IMMP2L: variants seen among roughly 807,000 people sequenced by gnomAD.
IMMP2L encodes the protein inner mitochondrial membrane peptidase subunit 2, also known as mitochondrial inner membrane protease subunit 2.
Under a neutral mutation model 19.3 loss-of-function variants are expected in IMMP2L, and 18 were observed. That is an observed-to-expected ratio of 0.93 (90% CI 0.64 to 1.38). IMMP2L has a LOEUF of 1.38. Ranked by LOEUF, IMMP2L falls within the 40% of genes most tolerant of loss-of-function variation. The pLI, the probability that IMMP2L is intolerant of heterozygous loss-of-function variation, is 0.00. For synonymous variants in IMMP2L, 76 were observed against 73.0 expected (o/e 1.04, Z -0.21); for missense variants, 233 against 218.2 (o/e 1.07, Z -0.43).
intron 5 of IMMP2L, among the ~76,000 whole-genome samples, chr7:110,874,486 G>T (rs1808863770): frequency 6.6e-6 from 1 of 151,864 alleles, no homozygotes; most frequent in South Asian, 2.1e-4. Context: ...GGGTGGAGAA[G>T]AATATAATAA....
chr7:110,853,832 A>G (rs12667846), intron 5 of IMMP2L, among the ~76,000 whole-genome samples: 10,745 of 152,016 alleles, frequency 0.071, 607 homozygotes, highest in African/African-American at 0.15. Context: ...AAAATAGTCA[A>G]TACTAACTAG....
rs576327525 is a variant in IMMP2L, at chr7:111,457,497, T to A, written c.239+29741A>T. 8.9e-3 allele frequency among the ~76,000 whole-genome samples: 1,351 copies of A among 152,286 alleles called. 20 individuals are homozygous for A. The highest frequency in any genetic ancestry group is 0.031 in the African/African-American group (1,280 of 41,554). ...AGGTTTTAAGGATAAATGAGATCTATACAGGCACAATTGTCACAGCAGTCC... is the reference window on the plus strand; with the variant it reads ...AGGTTTTAAGGATAAATGAGATCTAAACAGGCACAATTGTCACAGCAGTCC... On this transcript the variant is annotated intron_variant, in intron 3 of 5. Transcript: ENST00000405709.
At chr7:111,558,628 G>A (rs1297983296) in intron 1 of IMMP2L, among the ~76,000 whole-genome samples, 1 of 152,130 alleles carries the variant, frequency 6.6e-6, no homozygotes, top group Admixed American at 6.6e-5. Flanking sequence ...TCAAAATGGA[G>A]GGAGACGTGG....
chr7:110,762,243 C>CT (rs368765958), intron 5 of IMMP2L, among the ~76,000 whole-genome samples: 58 of 148,960 alleles, frequency 3.9e-4, no homozygotes, highest in Middle Eastern at 3.5e-3. Flanking sequence ...AAATGTATCA[C>CT]TTTTTTTTTT....
At chr7:111,043,215 G>A (rs1484793605) in intron 3 of IMMP2L, among the ~76,000 whole-genome samples, 2 of 152,156 alleles carry the variant, frequency 1.3e-5, no homozygotes, top group Non-Finnish European at 2.9e-5. Context: ...AAATACAGAG[G>A]ATCCTTTCCT....
chr7:110,725,921 T>C (rs773833822), intron 5 of IMMP2L: 15 of 152,230 alleles, frequency 9.9e-5, no homozygotes, highest in Non-Finnish European at 1.8e-4. Context: ...CAAGCATTGT[T>C]CTAAAAGTCT....
intron 4 of IMMP2L, chr7:110,962,980 A>G: frequency 1.3e-6 from 2 of 1,486,356 alleles, no homozygotes; most frequent in Non-Finnish European, 1.8e-6. Context: ...ATACGACATT[A>G]CTAAAGGCTG....
At chr7:110,844,762 G>A (rs1221060780) in intron 5 of IMMP2L, among the ~76,000 whole-genome samples, 1 of 136,954 alleles carries the variant, frequency 7.3e-6, no homozygotes, top group Non-Finnish European at 1.6e-5. Context: ...GCATGGAAAT[G>A]GCAAGGATGG....
intron 5 of IMMP2L, chr7:110,664,762 T>C (rs945135449): frequency 2.0e-5 from 3 of 152,208 alleles, no homozygotes; most frequent in Non-Finnish European, 2.9e-5. Flanking sequence ...AATACACTCA[T>C]ATTTAGCACA....
At chr7:110,693,652 A>G (rs540929387) in intron 5 of IMMP2L, among the ~76,000 whole-genome samples, 28 of 152,290 alleles carry the variant, frequency 1.8e-4, no homozygotes, top group African/African-American at 6.3e-4. Flanking sequence ...GGATTATTAG[A>G]GAGGATGAAG....
At chr7:111,147,155 G>A (rs1055168803) in intron 3 of IMMP2L, among the ~76,000 whole-genome samples, 2 of 152,034 alleles carry the variant, frequency 1.3e-5, no homozygotes, top group African/African-American at 4.8e-5. Context: ...ATTTCTATAA[G>A]TTTTCCATTA....
chr7:110,923,586 A>C (rs2129550757), intron 4 of IMMP2L, among the ~76,000 whole-genome samples: 1 of 152,324 alleles, frequency 6.6e-6, no homozygotes, highest in South Asian at 2.1e-4. Flanking sequence ...ACCTTTTATT[A>C]GTAGAATATT....
chr7:110,738,502 C>T (rs1796786217), intron 5 of IMMP2L, among the ~76,000 whole-genome samples: 1 of 152,068 alleles, frequency 6.6e-6, no homozygotes, highest in South Asian at 2.1e-4. Context: ...TTCGAATTTA[C>T]CCAATATGTC....
chr7:111,201,609 C>CA (rs1810132504), intron 3 of IMMP2L, among the ~76,000 whole-genome samples: 1 of 151,448 alleles, frequency 6.6e-6, no homozygotes, highest in African/African-American at 2.4e-5. Flanking sequence ...CCCAGCTACT[C>CA]AGTAAGTGAG....
At chr7:110,684,525 C>A (rs1196481512) in intron 5 of IMMP2L, among the ~76,000 whole-genome samples, 1 of 151,726 alleles carries the variant, frequency 6.6e-6, no homozygotes, top group East Asian at 1.9e-4. Context: ...CACACAATTC[C>A]ATTGTGTGAT....
intron 3 of IMMP2L, among the ~76,000 whole-genome samples, chr7:111,103,599 T>C (rs975950753): frequency 2.6e-5 from 4 of 151,690 alleles, no homozygotes; most frequent in South Asian, 2.1e-4. Context: ...TTTTGTTCTG[T>C]CATTTCTCCT....
chr7:111,372,618 T>C (rs1337544842), intron 3 of IMMP2L, among the ~76,000 whole-genome samples: 1 of 151,920 alleles, frequency 6.6e-6, no homozygotes, highest in Non-Finnish European at 1.5e-5. Flanking sequence ...TGAGTTCTGT[T>C]CTTTTTTTTT....
At chr7:111,392,544 A>T (rs554436423) in intron 3 of IMMP2L, among the ~76,000 whole-genome samples, 3 of 152,254 alleles carry the variant, frequency 2.0e-5, no homozygotes, top group Admixed American at 1.3e-4. Context: ...TCTGACATCA[A>T]GTGAGAAGTG....
intron 3 of IMMP2L, among the ~76,000 whole-genome samples, chr7:111,165,705 G>T (rs1805743012): frequency 6.6e-6 from 1 of 151,862 alleles, no homozygotes; most frequent in South Asian, 2.1e-4. Flanking sequence ...ACTGAAGCTG[G>T]GGTTAACTCT....
Sources: allele counts gnomAD v4.1 joint callset (sites outside exome capture counted in the v4.1 genomes callset), GRCh38; gene constraint gnomAD v4.1.1; transcripts MANE v1.5; gene names NCBI Gene and HGNC (gene_info 2026-07-23, HGNC 2026-07-21).